Variants in RIMS1 observed in about 807,000 individuals in gnomAD.
RIMS1 encodes the protein regulating synaptic membrane exocytosis 1, also known as regulating synaptic membrane exocytosis protein 1.
RIMS1 carries 83 observed loss-of-function variants against 214.1 expected under a neutral mutation model. The ratio of observed to expected loss-of-function variants is 0.39; its 90% CI spans 0.32 to 0.47. The LOEUF (loss-of-function observed/expected upper bound fraction) is 0.47, where lower values mean the gene tolerates loss of function less well. RIMS1 is among the 20% of genes least tolerant of loss of function. The probability of loss-of-function intolerance (pLI) is 0.99; values close to 1 mark genes in which losing one functional copy is unlikely to be tolerated. For missense variants in RIMS1, 2,050 were observed against 2,161.8 expected, an observed-to-expected ratio of 0.95 and a Z score of 1.03; for synonymous variants, 793 against 786.8, an observed-to-expected ratio of 1.01 and a Z score of -0.13.
intron 1 of RIMS1, among the ~76,000 whole-genome samples, chr6:71,933,683 C>CACACAT (rs1554212056): frequency 2.3e-4 from 2 of 8,512 alleles, no homozygotes; most frequent in Admixed American, 3.0e-3. Context: ...CTTCCTCAAT[C>CACACAT]ACACACACAC....
chr6:72,002,064 G>A (rs1300563433), intron 2 of RIMS1, among the ~76,000 whole-genome samples: 2 of 152,050 alleles, frequency 1.3e-5, no homozygotes, highest in Non-Finnish European at 2.9e-5. Context: ...CCACTGTGTT[G>A]GTAAGAAAGC....
At chr6:72,071,002 A>G (rs186478525) in intron 2 of RIMS1, among the ~76,000 whole-genome samples, 3 of 152,362 alleles carry the variant, frequency 2.0e-5, no homozygotes, top group East Asian at 1.9e-4. Flanking sequence ...TTAAATTTCA[A>G]TGGGTACAAA....
At chr6:72,079,085 C>T (rs747986491) in intron 2 of RIMS1, among the ~76,000 whole-genome samples, 2 of 152,066 alleles carry the variant, frequency 1.3e-5, no homozygotes, top group Non-Finnish European at 2.9e-5. Context: ...ATAGAGCCTG[C>T]ATTCTAATAA....
At chr6:72,194,681 G>A (rs940444281) in intron 6 of RIMS1, among the ~76,000 whole-genome samples, 3 of 152,046 alleles carry the variant, frequency 2.0e-5, no homozygotes, top group African/African-American at 7.2e-5. Flanking sequence ...GGTCAAAATG[G>A]CATCTGAAAG....
At chr6:72,259,823 A>G (rs77689736) in intron 18 of RIMS1, among the ~76,000 whole-genome samples, 4,536 of 152,254 alleles carry the variant, frequency 0.03, 201 homozygotes, top group African/African-American at 0.1. Context: ...AGGTTTTATA[A>G]TACCCACCTT....
intron 2 of RIMS1, among the ~76,000 whole-genome samples, chr6:72,050,306 C>A (rs1018096674): frequency 2.0e-5 from 3 of 152,150 alleles, no homozygotes; most frequent in Non-Finnish European, 2.9e-5. Context: ...AAAACTGCCT[C>A]CTGAGGATTC....
chr6:72,215,079 A>G (rs1488131285), intron 6 of RIMS1, among the ~76,000 whole-genome samples: 2 of 152,220 alleles, frequency 1.3e-5, no homozygotes, highest in African/African-American at 2.4e-5. Context: ...GATTTCAACC[A>G]GACAAAATGA....
intron 2 of RIMS1, among the ~76,000 whole-genome samples, chr6:72,007,997 G>C (rs762450616): frequency 5.3e-5 from 8 of 152,096 alleles, no homozygotes; most frequent in Non-Finnish European, 8.8e-5. Context: ...TGTTCGAGAA[G>C]AGCAACTCCA....
intron 27 of RIMS1, among the ~76,000 whole-genome samples, chr6:72,310,585 A>G (rs1283937736): frequency 2.0e-5 from 3 of 152,062 alleles, no homozygotes; most frequent in African/African-American, 4.8e-5. Context: ...AAGAGTGTTT[A>G]TTATTACTTA....
At chr6:72,170,896 T>C (rs918904030) in intron 4 of RIMS1, among the ~76,000 whole-genome samples, 5 of 152,182 alleles carry the variant, frequency 3.3e-5, no homozygotes, top group Non-Finnish European at 5.9e-5. Flanking sequence ...AAAATATTAT[T>C]GAATGTTTAC....
intron 2 of RIMS1, among the ~76,000 whole-genome samples, chr6:71,971,123 T>C (rs745610659): frequency 2.6e-5 from 4 of 152,182 alleles, no homozygotes; most frequent in Non-Finnish European, 5.9e-5. Flanking sequence ...TGTCAAAATA[T>C]AAAATTTAAT....
intron 2 of RIMS1, among the ~76,000 whole-genome samples, chr6:72,008,653 A>C (rs552821391): frequency 2.6e-5 from 4 of 152,222 alleles, no homozygotes; most frequent in Non-Finnish European, 5.9e-5. Context: ...TGGAAAACAA[A>C]AAAAGGCAGG....
chr6:72,290,664 G>A lies in RIMS1; in HGVS notation c.3555-15G>A. On this transcript the variant is annotated splice_polypyrimidine_tract_variant and intron_variant, in intron 24 of 33. Transcript: ENST00000521978. ...ACCTGCTGACTGAAGATCTTTTTTG[G>A]CCCTAATGTTTTAGGGTTCTCCCAA... is the stretch of plus-strand genomic sequence containing the variant. 6.2e-7 allele frequency: 1 copy of A among 1,605,836 alleles called. No individual in the cohort carries two copies. Among genetic ancestry groups the A allele is most frequent in the Non-Finnish European group, 8.5e-7 (1 of 1,175,912 alleles).
intron 2 of RIMS1, among the ~76,000 whole-genome samples, chr6:72,083,362 C>G (rs539909906): frequency 7.8e-4 from 118 of 151,932 alleles, no homozygotes; most frequent in Non-Finnish European, 2.9e-5. Context: ...TCAGCAATGA[C>G]CATAAAAATG....
chr6:72,243,769 A>C (rs961708361), intron 10 of RIMS1, among the ~76,000 whole-genome samples: 3 of 151,752 alleles, frequency 2.0e-5, no homozygotes, highest in African/African-American at 7.2e-5. Flanking sequence ...TTAAGAAGTA[A>C]TCATCTGCAC....
intron 4 of RIMS1, among the ~76,000 whole-genome samples, chr6:72,165,823 T>C (rs1345502811): frequency 1.3e-5 from 2 of 152,122 alleles, no homozygotes; most frequent in East Asian, 3.9e-4. Context: ...CATGATGGGA[T>C]GAAGTAAACA....
At chr6:72,038,118 A>AAAAAAAAT (rs1820399900) in intron 2 of RIMS1, among the ~76,000 whole-genome samples, 1 of 13,414 alleles carries the variant, frequency 7.5e-5, no homozygotes, top group Non-Finnish European at 1.2e-4. Context: ...AAAAAAAAAA[A>AAAAAAAAT]ATATATATAT....
intron 6 of RIMS1, among the ~76,000 whole-genome samples, chr6:72,197,048 C>A (rs1339630056): frequency 6.6e-6 from 1 of 152,096 alleles, no homozygotes; most frequent in East Asian, 1.9e-4. Context: ...TATCAAGAAG[C>A]AATTCAGCAC....
intron 23 of RIMS1, among the ~76,000 whole-genome samples, chr6:72,276,031 A>G (rs2086230073): frequency 6.6e-6 from 1 of 152,168 alleles, no homozygotes; most frequent in South Asian, 2.1e-4. Flanking sequence ...TGGGCACCAC[A>G]GTGAGACTGC....
Sources: gnomAD v4.1 joint callset for allele counts (sites outside exome capture counted in the v4.1 genomes callset) on GRCh38, gnomAD v4.1.1 for gene constraint, MANE v1.5 for transcripts, NCBI Gene and HGNC (gene_info 2026-07-23, HGNC 2026-07-21) for gene names.